Variants in PSMA2 observed in about 807,000 individuals in gnomAD.
PSMA2 encodes the protein proteasome 20S subunit alpha 2, also known as proteasome subunit alpha type-2.
In PSMA2, 2 loss-of-function variants were observed where a neutral mutation model predicts 35.9. The observed-to-expected ratio is 0.06, with a 90% confidence interval of 0.02 to 0.18. The LOEUF is 0.18. Ranked by LOEUF, PSMA2 falls within the 10% of genes least tolerant of loss-of-function variation. PSMA2 has a pLI of 1.00. For missense variants in PSMA2, 126 were observed against 278.8 expected, an observed-to-expected ratio of 0.45 and a Z score of 3.90; for synonymous variants, 97 against 98.2, an observed-to-expected ratio of 0.99 and a Z score of 0.07.
chr7:42,925,067 T>C (rs1008856052), intron 3 of PSMA2, among the ~76,000 whole-genome samples: 1 of 152,156 alleles, frequency 6.6e-6, no homozygotes, highest in Non-Finnish European at 1.5e-5. Flanking sequence ...TCTTCAAGAC[T>C]GTACCCCCAT....
intron 1 of PSMA2, among the ~76,000 whole-genome samples, chr7:42,930,153 G>A (rs1028677982): frequency 4.0e-5 from 6 of 151,788 alleles, no homozygotes; most frequent in Admixed American, 3.3e-4. Flanking sequence ...ATTATGAGAG[G>A]CTAGAAACAA....
Position 42,917,425 on chromosome 7 carries a change from T to G in PSMA2, c.*149A>C, listed in dbSNP as rs1008926162. The G allele has an allele frequency of 1.6e-6, 1 of 613,750 alleles. No individual in the cohort carries two copies. Among genetic ancestry groups the G allele is most frequent in the African/African-American group, 1.9e-5 (1 of 53,892 alleles). 38.0% of individuals were successfully genotyped at this position (613,750 alleles called of 1,614,324 possible). A position where few individuals can be genotyped will look rare whatever the true frequency, so the allele number is the denominator to read the frequency against. On this transcript the variant is annotated 3_prime_UTR_variant, in exon 8 of 8. Coordinates refer to ENST00000223321, the MANE Select transcript of PSMA2 (RefSeq NM_002787.5). ...AAGGCTGGAAGGTGGGTTTAACAGT[T>G]TATTAGGATTTATAAGTGTCATTTT... is the stretch of plus-strand genomic sequence containing the variant.
At position 42,917,912 on chromosome 7, in the gene PSMA2, C is replaced by T. The variant is rs571656450; in HGVS notation, c.531-77G>A. On this transcript the variant is annotated intron_variant, in intron 6 of 7. Transcript: ENST00000223321. ...TATTTAAATACAATGACAGCAACAA[C>T]GTAAGTTTTTAAAACTCTAAACATC... The T allele has an allele frequency of 1.3e-4, 138 of 1,074,454 alleles. No homozygotes were observed. In the African/African-American group the frequency reaches 1.9e-3, roughly 14 times the overall value. The allele number at this position is 1,074,454 out of a possible 1,614,324, so 66.6% of individuals were successfully genotyped here. A position where few individuals can be genotyped will look rare whatever the true frequency, so the allele number is the denominator to read the frequency against.
intron 1 of PSMA2, 47 bp downstream of exon 1, chr7:42,932,071 A>C: frequency 1.2e-6 from 2 of 1,612,468 alleles, no homozygotes; most frequent in Non-Finnish European, 1.7e-6. Flanking sequence ...TCGACAGAGT[A>C]CCAGCAACCT....
intron 1 of PSMA2, among the ~76,000 whole-genome samples, chr7:42,930,328 C>T (rs1462080834): frequency 1.3e-5 from 2 of 152,084 alleles, no homozygotes; most frequent in African/African-American, 4.8e-5. Flanking sequence ...GGCAGAATCA[C>T]AGCTCACTGA....
intron 1 of PSMA2, among the ~76,000 whole-genome samples, chr7:42,928,111 T>A (rs1786241837): frequency 6.6e-6 from 1 of 152,194 alleles, no homozygotes; most frequent in Admixed American, 6.5e-5. Flanking sequence ...CAACTGGTTT[T>A]CCGTATCAGT....
At chr7:42,920,805 T>A (rs547586515) in intron 6 of PSMA2, 2 of 152,312 alleles carry the variant, frequency 1.3e-5, no homozygotes, top group South Asian at 4.1e-4. Context: ...TACGAAGTTT[T>A]TTATTATTAT....
Position 42,932,148 on chromosome 7 carries a change from C to T in PSMA2, c.11G>A (p.Arg4His), listed in dbSNP as rs775798679. The T allele has an allele frequency of 6.2e-7, 1 of 1,614,156 alleles. No individual in the cohort carries two copies. Among genetic ancestry groups the T allele is most frequent in the Non-Finnish European group, 8.5e-7 (1 of 1,180,044 alleles). Residue 4 changes from arginine (R) to histidine (H), a missense_variant, in exon 1 of 8, where the codon CGC becomes CAC. Around this residue, in one of 3 missense-constraint regions of PSMA2, gnomAD observed 78 missense variants for 151.1 expected, o/e 0.52. Transcript: ENST00000223321. Reference protein sequence around the residue: MAERGYSFSLTTFS... With the variant: MAEHGYSFSLTTFS... ...TGTAGTCAGCGAAAAGCTGTACCCG[C>T]GCTCCGCCATCTTTACCCGAAGAGC...
rs767834870 is a variant in PSMA2, at chr7:42,926,515, AC to A, written c.251+20del. 15 of 1,548,680 alleles carry A rather than the reference AC, an allele frequency of 9.7e-6. No individual in the cohort carries two copies. Among genetic ancestry groups the A allele is most frequent in the African/African-American group, 1.4e-5 (1 of 71,098 alleles). On this transcript the variant is annotated intron_variant, in intron 3 of 7. Coordinates refer to ENST00000223321, the MANE Select transcript of PSMA2 (RefSeq NM_002787.5). ...ATCAATTCATGAGATGGTGAGAAAC[AC>A]TATAAAAAGTATAAAGTACCTGTAA...
At chr7:42,921,749 A>G (rs1786132294) in intron 6 of PSMA2, 109 bp downstream of exon 6, 2 of 813,686 alleles carry the variant, frequency 2.5e-6, no homozygotes, top group South Asian at 2.1e-5. Flanking sequence ...ATTCATATAC[A>G]GAGTAATATA....
intron 6 of PSMA2, chr7:42,919,120 G>A (rs1786084459): frequency 2.2e-6 from 1 of 449,564 alleles, no homozygotes; most frequent in South Asian, 2.0e-5. Context: ...CACTGCGCCT[G>A]GCCAGTCTTA....
chr7:42,924,877 AC>A (rs904098170), intron 3 of PSMA2, 80 bp from the exon 4 acceptor site: 11 of 1,371,982 alleles, frequency 8.0e-6, no homozygotes, highest in African/African-American at 5.8e-5. Context: ...ACAGGCATGT[AC>A]CTGCAGCACA....
chr7:42,927,631 C>T (rs941547617), intron 1 of PSMA2, among the ~76,000 whole-genome samples, 172 bp from the exon 2 acceptor site: 3 of 152,150 alleles, frequency 2.0e-5, no homozygotes, highest in Non-Finnish European at 4.4e-5. Context: ...TACAGCTGGG[C>T]GCAATGACTC....
intron 6 of PSMA2, chr7:42,919,214 T>C: frequency 1.6e-6 from 1 of 610,248 alleles, no homozygotes; most frequent in South Asian, 1.4e-5. Context: ...GGAACAATTT[T>C]GGGTCATAAA....
chr7:42,932,059 A>G lies in PSMA2; in HGVS notation c.41+59T>C. On this transcript the variant is annotated intron_variant, in intron 1 of 7. Coordinates refer to ENST00000223321, the MANE Select transcript of PSMA2 (RefSeq NM_002787.5). ...GCCGACGTCAGGATGGGAAAAACTA[A>G]ATCGACAGAGTACCAGCAACCTCGA... The G allele has an allele frequency of 1.9e-6, 3 of 1,607,522 alleles. No individual in the cohort carries two copies. In the South Asian group the frequency reaches 3.3e-5, roughly 18 times the overall value.
chr7:42,925,286 A>T (rs145589000), intron 3 of PSMA2, among the ~76,000 whole-genome samples: 237 of 152,348 alleles, frequency 1.6e-3, no homozygotes, highest in Admixed American at 3.7e-3. Flanking sequence ...AAAATGTAAA[A>T]TTCGGCTAGG....
intron 6 of PSMA2, chr7:42,919,921 A>G (rs2128673536): frequency 1.3e-6 from 1 of 755,492 alleles, no homozygotes; most frequent in East Asian, 2.5e-5. Flanking sequence ...AGACTGGCAA[A>G]CTGTGGTAGG....
chr7:42,926,287 C>T (rs748889974), intron 3 of PSMA2, among the ~76,000 whole-genome samples: 12 of 152,188 alleles, frequency 7.9e-5, no homozygotes, highest in African/African-American at 1.2e-4. Context: ...AGAGAAAGTC[C>T]GCTGAACAGA....
At chr7:42,921,802 A>G in intron 6 of PSMA2, 56 bp downstream of exon 6, 1 of 1,402,318 alleles carries the variant, frequency 7.1e-7, no homozygotes, top group Non-Finnish European at 1.0e-6. Context: ...CTTAAAGAGC[A>G]CCAAAAACCA....
Sources: gnomAD v4.1 joint callset for allele counts (sites outside exome capture counted in the v4.1 genomes callset) on GRCh38, gnomAD v4.1.1 for gene constraint, gnomAD v4.1.1 regional missense constraint, MANE v1.5 for transcripts, NCBI Gene and HGNC (gene_info 2026-07-23, HGNC 2026-07-21) for gene names.